CFTR: variants seen among roughly 807,000 people sequenced by gnomAD.
CFTR encodes the protein CF transmembrane conductance regulator.
Under a neutral mutation model 171.6 loss-of-function variants are expected in CFTR, and 181 were observed. The ratio of observed to expected loss-of-function variants is 1.05; its 90% CI spans 0.93 to 1.19. CFTR has a LOEUF of 1.19. Among genes scored for constraint, CFTR ranks in the 50% most tolerant of loss-of-function variants. CFTR has a pLI of 0.00. For synonymous variants in CFTR, 583 were observed against 608.0 expected (o/e 0.96, Z 0.60); for missense variants, 1,968 against 1,734.7 (o/e 1.13, Z -2.39).
intron 3 of CFTR, among the ~76,000 whole-genome samples, chr7:117,516,731 A>G (rs1798601339): frequency 6.6e-6 from 1 of 152,138 alleles, no homozygotes; most frequent in Non-Finnish European, 1.5e-5. Context: ...GTTTTCATAT[A>G]GGCATGCAAT....
chr7:117,611,841 T>C (rs1792395155), intron 20 of CFTR, 33 bp downstream of exon 20: 1 of 1,498,244 alleles, frequency 6.7e-7, no homozygotes, highest in South Asian at 1.1e-5. Context: ...AGCTAAGCAT[T>C]TAAGTAAAAA....
chr7:117,490,780 C>T (rs1798148454), intron 1 of CFTR, among the ~76,000 whole-genome samples: 1 of 152,058 alleles, frequency 6.6e-6, no homozygotes, highest in Non-Finnish European at 1.5e-5. Context: ...ACCTTTTCAT[C>T]TTTCTGTCTG....
Position 117,652,864 on chromosome 7 carries a change from C to T in CFTR, c.3896C>T (p.Thr1299Ile), listed in dbSNP as rs397508634. ...TAGAAAGTATTTATTTTTTCTGGAA[C>T]ATTTAGAAAAAACTTGGATCCCTAT... ...IPQKVFIFSG[T>I]FRKNLDPYEQ... The change falls in exon 24 of 27, where the codon ACA (threonine) becomes ATA (isoleucine). Residue 1299 changes from threonine to isoleucine, a missense_variant. Coordinates refer to ENST00000003084, the MANE Select transcript of CFTR (RefSeq NM_000492.4). 4 of 1,571,712 alleles carry T rather than the reference C, an allele frequency of 2.5e-6. No individual in the cohort carries two copies. The highest frequency in any genetic ancestry group is 1.7e-5 in the Admixed American group (1 of 59,630).
At chr7:117,542,924 G>A (rs1006169234) in intron 9 of CFTR, among the ~76,000 whole-genome samples, 3 of 152,258 alleles carry the variant, frequency 2.0e-5, no homozygotes, top group African/African-American at 7.2e-5. Flanking sequence ...AGTCTAAAGT[G>A]CTTTATATAT....
chr7:117,509,610 A>G (rs1798483381), intron 3 of CFTR, among the ~76,000 whole-genome samples: 1 of 152,188 alleles, frequency 6.6e-6, no homozygotes, highest in Non-Finnish European at 1.5e-5. Flanking sequence ...AAAGTATAGC[A>G]GCTTTAAATA....
At chr7:117,544,619 G>A (rs908412118) in intron 9 of CFTR, among the ~76,000 whole-genome samples, 1 of 152,160 alleles carries the variant, frequency 6.6e-6, no homozygotes, top group Non-Finnish European at 1.5e-5. Flanking sequence ...CAGAACAGGG[G>A]ACCAGCAATT....
intron 23 of CFTR, among the ~76,000 whole-genome samples, chr7:117,642,931 C>A (rs1792943423): frequency 6.6e-6 from 1 of 152,072 alleles, no homozygotes; most frequent in African/African-American, 2.4e-5. Context: ...TTGAGAAATG[C>A]TTTGCGAGAC....
At chr7:117,528,051 C>G (rs1267984867) in intron 3 of CFTR, among the ~76,000 whole-genome samples, 1 of 135,798 alleles carries the variant, frequency 7.4e-6, no homozygotes, top group Admixed American at 7.8e-5. Context: ...GAGCCCGCAT[C>G]GCCAAGTCAA....
chr7:117,634,200 G>T (rs762223495), intron 22 of CFTR, among the ~76,000 whole-genome samples: 1 of 151,970 alleles, frequency 6.6e-6, no homozygotes, highest in Non-Finnish European at 1.5e-5. Context: ...TTTTTCTCAT[G>T]CGAGTTTTAG....
chr7:117,573,199 G>A (rs1283815532), intron 11 of CFTR, among the ~76,000 whole-genome samples: 4 of 152,016 alleles, frequency 2.6e-5, no homozygotes, highest in Non-Finnish European at 5.9e-5. Context: ...AATAATGTAA[G>A]CACTTAAAAA....
At position 117,548,896 on chromosome 7, in the gene CFTR, G is replaced by T. The variant is rs1057350433; in HGVS notation, c.1392+73G>T. 15 of 1,544,650 alleles carry T rather than the reference G, an allele frequency of 9.7e-6. No homozygotes were observed. In the African/African-American group the frequency reaches 1.5e-4, roughly 16 times the overall value. On this transcript the variant is annotated intron_variant, in intron 10 of 26. Transcript: ENST00000003084. The stretch of plus-strand genomic sequence containing the variant: ...TCTCTTTTTTTTTCTAGTTTGTAGT[G>T]CTGGAAGGTATTTTTGGAGAAATTC...
chr7:117,566,167 C>T (rs1332053169), intron 11 of CFTR, among the ~76,000 whole-genome samples: 1 of 151,720 alleles, frequency 6.6e-6, no homozygotes, highest in Non-Finnish European at 1.5e-5. Flanking sequence ...GGCGTGGTGT[C>T]TCATGCCTGT....
intron 21 of CFTR, among the ~76,000 whole-genome samples, chr7:117,621,362 AT>A (rs1316187346): frequency 1.3e-5 from 2 of 152,112 alleles, no homozygotes; most frequent in African/African-American, 4.8e-5. Flanking sequence ...GATAGTAAAT[AT>A]TTTCAGCTTT....
intron 22 of CFTR, among the ~76,000 whole-genome samples, chr7:117,631,349 T>A (rs1792741820): frequency 6.6e-6 from 1 of 152,124 alleles, no homozygotes; most frequent in South Asian, 2.1e-4. Context: ...ATAACATCCT[T>A]TGTTATTCAT....
intron 11 of CFTR, among the ~76,000 whole-genome samples, chr7:117,572,849 A>G (rs557480194): frequency 3.3e-5 from 5 of 152,226 alleles, no homozygotes; most frequent in Admixed American, 2.0e-4. Context: ...CCTTTACCCA[A>G]CCAAGCTTCT....
chr7:117,653,267 C>T (rs1180359384), intron 24 of CFTR, among the ~76,000 whole-genome samples: 1 of 152,206 alleles, frequency 6.6e-6, no homozygotes, highest in Admixed American at 6.5e-5. Context: ...GCCTACTTCT[C>T]TCCTCACTGG....
chr7:117,561,573 G>C (rs1799465141), intron 11 of CFTR, among the ~76,000 whole-genome samples: 1 of 152,016 alleles, frequency 6.6e-6, no homozygotes, highest in Admixed American at 6.6e-5. Flanking sequence ...TAATATAATA[G>C]GGTTTTTTGT....
At chr7:117,516,935 C>T (rs142907508) in intron 3 of CFTR, among the ~76,000 whole-genome samples, 42 of 152,204 alleles carry the variant, frequency 2.8e-4, no homozygotes, top group African/African-American at 9.2e-4. Flanking sequence ...ATAATGATAG[C>T]ACATTTTTTC....
At chr7:117,600,051 TA>T (rs1242253239) in intron 15 of CFTR, among the ~76,000 whole-genome samples, 1 of 152,044 alleles carries the variant, frequency 6.6e-6, no homozygotes, top group African/African-American at 2.4e-5. Flanking sequence ...GATTTTTTTT[TA>T]TAGGTTAGGT....
Sources: allele counts gnomAD v4.1 joint callset (sites outside exome capture counted in the v4.1 genomes callset), GRCh38; gene constraint gnomAD v4.1.1; transcripts MANE v1.5; gene names NCBI Gene and HGNC (gene_info 2026-07-23, HGNC 2026-07-21).